ACSS3: variants seen among roughly 807,000 people sequenced by gnomAD.
ACSS3 encodes acyl-CoA synthetase short-chain family member 3, mitochondrial.
A neutral mutation model predicts 84.2 loss-of-function variants in ACSS3; 64 were observed. The ratio of observed to expected loss-of-function variants is 0.76; its 90% CI spans 0.62 to 0.94. The LOEUF (loss-of-function observed/expected upper bound fraction) is 0.94. Among genes scored for constraint, ACSS3 ranks in the 40% least tolerant of loss-of-function variants. The probability of loss-of-function intolerance (pLI) is 0.00; values close to 1 mark genes in which losing one functional copy is unlikely to be tolerated. For missense variants in ACSS3, 815 were observed against 867.6 expected (o/e 0.94, Z 0.76); for synonymous variants, 317 against 310.1 (o/e 1.02, Z -0.23).
chr12:81,199,269 T>C, intron 8 of ACSS3, 72 bp from the exon 9 acceptor site: 1 of 1,367,668 alleles, frequency 7.3e-7, no homozygotes, highest in South Asian at 1.3e-5. Flanking sequence ...TTAACCAATG[T>C]TTTTAAAATG....
At chr12:81,182,631 G>A (rs2031011807) in intron 8 of ACSS3, among the ~76,000 whole-genome samples, 1 of 152,140 alleles carries the variant, frequency 6.6e-6, no homozygotes, top group African/African-American at 2.4e-5. Context: ...TAAAAATCTA[G>A]AGATTTTGTA....
At chr12:81,113,354 A>G (rs1007984798) in intron 2 of ACSS3, among the ~76,000 whole-genome samples, 3 of 152,110 alleles carry the variant, frequency 2.0e-5, no homozygotes, top group Non-Finnish European at 4.4e-5. Context: ...GGTCCATGTT[A>G]CCTGAATGTT....
At chr12:81,137,314 T>A (rs1236502841) in intron 3 of ACSS3, among the ~76,000 whole-genome samples, 1 of 137,226 alleles carries the variant, frequency 7.3e-6, no homozygotes, top group Non-Finnish European at 1.5e-5. Flanking sequence ...TAAGGAATTT[T>A]CATCCATCAC....
intron 15 of ACSS3, among the ~76,000 whole-genome samples, chr12:81,254,013 G>A (rs1047132597): frequency 6.6e-5 from 10 of 152,086 alleles, no homozygotes; most frequent in Non-Finnish European, 1.3e-4. Context: ...CAGCCACAAA[G>A]TTCTGATCTA....
intron 2 of ACSS3, among the ~76,000 whole-genome samples, chr12:81,129,208 G>A (rs1885321318): frequency 6.6e-6 from 1 of 152,166 alleles, no homozygotes; most frequent in Non-Finnish European, 1.5e-5. Context: ...GCCTACAGAA[G>A]AGGGTGGATG....
chr12:81,155,861 G>C (rs1826882112), intron 7 of ACSS3, among the ~76,000 whole-genome samples: 1 of 152,142 alleles, frequency 6.6e-6, no homozygotes, highest in African/African-American at 2.4e-5. Context: ...CAGACAGAAA[G>C]TCAGTGAAGA....
At chr12:81,183,883 G>A (rs2031093265) in intron 8 of ACSS3, among the ~76,000 whole-genome samples, 1 of 152,030 alleles carries the variant, frequency 6.6e-6, no homozygotes, top group Admixed American at 6.6e-5. Context: ...AATAGATCAA[G>A]CAGACAGAAA....
At chr12:81,238,757 T>C (rs547198093) in intron 13 of ACSS3, among the ~76,000 whole-genome samples, 225 of 151,890 alleles carry the variant, frequency 1.5e-3, no homozygotes, top group Non-Finnish European at 1.3e-3. Flanking sequence ...CCTTTTTTTT[T>C]CCTTAGCCTG....
intron 1 of ACSS3, among the ~76,000 whole-genome samples, chr12:81,085,158 T>A (rs1018512938): frequency 4.6e-5 from 7 of 152,234 alleles, no homozygotes; most frequent in African/African-American, 1.7e-4. Flanking sequence ...GGACTCCTTG[T>A]TTTTGCAAGT....
At chr12:81,107,998 A>C (rs1167842358) in intron 1 of ACSS3, among the ~76,000 whole-genome samples, 1 of 152,070 alleles carries the variant, frequency 6.6e-6, no homozygotes, top group Non-Finnish European at 1.5e-5. Flanking sequence ...GATGAGCCCC[A>C]AATCAAGAGA....
chr12:81,174,790 G>A lies in ACSS3; in HGVS notation c.1101G>A (p.Gly367=), dbSNP rs2030349094. 18 of 1,611,560 alleles carry A rather than the reference G, an allele frequency of 1.1e-5. No individual in the cohort carries two copies. The highest frequency in any genetic ancestry group is 1.5e-5 in the Non-Finnish European group (18 of 1,178,514). ...ATTTTAAATGAATCTCATTGTAGGG[G>A]AAGCCTGTGGGAACACCAGATGCTG... ...LHGNTTVLYE[G]KPVGTPDAGA... Residue 367 remains glycine, a splice_region_variant and synonymous_variant, in exon 8 of 16, where the codon GGG becomes GGA. Transcript: ENST00000548058.
intron 12 of ACSS3, among the ~76,000 whole-genome samples, chr12:81,233,123 A>T (rs2033519958): frequency 6.6e-6 from 1 of 151,804 alleles, no homozygotes; most frequent in Admixed American, 6.6e-5. Context: ...TCAAACACTT[A>T]AACATTTCTA....
intron 8 of ACSS3, among the ~76,000 whole-genome samples, chr12:81,176,464 C>T (rs1158287474): frequency 6.6e-6 from 1 of 152,004 alleles, no homozygotes; most frequent in Non-Finnish European, 1.5e-5. Context: ...GTCCCACCTA[C>T]TTGGGAGGCT....
chr12:81,211,680 T>A (rs1451892740), intron 9 of ACSS3, among the ~76,000 whole-genome samples: 2 of 152,316 alleles, frequency 1.3e-5, no homozygotes, highest in Non-Finnish European at 2.9e-5. Flanking sequence ...GCAGCCCAAA[T>A]AAATTAAACA....
At chr12:81,232,674 C>T (rs1411103190) in intron 12 of ACSS3, among the ~76,000 whole-genome samples, 3 of 151,672 alleles carry the variant, frequency 2.0e-5, no homozygotes, top group African/African-American at 4.8e-5. Context: ...TACTGAGTCT[C>T]AGAAAGTCTA....
chr12:81,140,385 C>G (rs1886033299), intron 4 of ACSS3, among the ~76,000 whole-genome samples: 1 of 119,388 alleles, frequency 8.4e-6, no homozygotes, highest in South Asian at 2.8e-4. Flanking sequence ...GGGTTTCTAG[C>G]AGATTAAATT....
intron 11 of ACSS3, among the ~76,000 whole-genome samples, chr12:81,228,599 ATCT>A (rs2135964099): frequency 6.6e-6 from 1 of 151,934 alleles, no homozygotes; most frequent in East Asian, 1.9e-4. Flanking sequence ...TTAGCAGGAC[ATCT>A]TCTTTTAAAA....
At chr12:81,106,193 G>T (rs914463931) in intron 1 of ACSS3, among the ~76,000 whole-genome samples, 1 of 152,134 alleles carries the variant, frequency 6.6e-6, no homozygotes, top group Non-Finnish European at 1.5e-5. Context: ...ATTTATAGCT[G>T]CTCCCCACTG....
At chr12:81,117,110 C>T (rs979490063) in intron 2 of ACSS3, among the ~76,000 whole-genome samples, 1 of 152,136 alleles carries the variant, frequency 6.6e-6, no homozygotes, top group Non-Finnish European at 1.5e-5. Flanking sequence ...GGTGGCTAAA[C>T]CCTGGTCTTT....
Sources: gnomAD v4.1 joint callset for allele counts (sites outside exome capture counted in the v4.1 genomes callset) on GRCh38, gnomAD v4.1.1 for gene constraint, MANE v1.5 for transcripts, NCBI Gene and HGNC (gene_info 2026-07-23, HGNC 2026-07-21) for gene names.